Variants in ERBB4 observed in about 807,000 individuals in gnomAD.
ERBB4 encodes the protein receptor tyrosine-protein kinase erbB-4.
In ERBB4, 42 loss-of-function variants were observed where a neutral mutation model predicts 158.0. The observed-to-expected ratio is 0.27, with a 90% confidence interval of 0.21 to 0.34. ERBB4 has a LOEUF of 0.34. Ranked by LOEUF, ERBB4 falls within the 10% of genes least tolerant of loss-of-function variation. The probability of loss-of-function intolerance (pLI) is 1.00; values close to 1 mark genes in which losing one functional copy is unlikely to be tolerated. For synonymous variants in ERBB4, 583 were observed against 558.7 expected (o/e 1.04, Z -0.61); for missense variants, 1,333 against 1,624.1 (o/e 0.82, Z 3.08).
At chr2:212,386,152 CT>C (rs2090666763) in intron 1 of ERBB4, among the ~76,000 whole-genome samples, 1 of 151,580 alleles carries the variant, frequency 6.6e-6, no homozygotes, top group Admixed American at 6.6e-5. Context: ...AAAAAATACA[CT>C]TTTTTGTATT....
intron 3 of ERBB4, among the ~76,000 whole-genome samples, chr2:211,929,466 T>A (rs2125095325): frequency 6.6e-6 from 1 of 152,108 alleles, no homozygotes; most frequent in Admixed American, 6.6e-5. Context: ...AAACATCAAA[T>A]AAAACCCCTC....
intron 19 of ERBB4, among the ~76,000 whole-genome samples, chr2:211,566,901 C>G (rs1216872333): frequency 6.6e-6 from 1 of 152,148 alleles, no homozygotes; most frequent in East Asian, 1.9e-4. Context: ...TGTGGCCCCA[C>G]TCCCAGATAC....
intron 2 of ERBB4, among the ~76,000 whole-genome samples, chr2:212,003,140 GGAAGGAAGGAAA>G (rs1422827779): frequency 1.6e-3 from 20 of 12,692 alleles, no homozygotes; most frequent in African/African-American, 3.4e-3. Flanking sequence ...AAGGAAGGAA[GGAAGGAAGGAAA>G]GAAAGAAAGA....
intron 20 of ERBB4, among the ~76,000 whole-genome samples, chr2:211,473,193 T>C (rs1172960572): frequency 6.6e-6 from 1 of 151,812 alleles, no homozygotes; most frequent in Non-Finnish European, 1.5e-5. Context: ...GTAAAGAGGA[T>C]GTGATGTGAA....
Position 211,613,665 on chromosome 2 carries a change from G to T in ERBB4, c.2301+5512C>A, listed in dbSNP as rs1320092095. Among the ~76,000 whole-genome samples, 2 of 151,906 alleles carry T rather than the reference G, an allele frequency of 1.3e-5. 1 individual carries two copies. ...AAATGTCAAATAGGCATATGAAAAG[G>T]TGCTCAATATCACTGATCATCAGAG... On this transcript the variant is annotated intron_variant, in intron 19 of 27. Transcript: ENST00000342788.
intron 2 of ERBB4, among the ~76,000 whole-genome samples, chr2:211,963,505 G>A (rs1181529230): frequency 6.6e-6 from 1 of 151,958 alleles, no homozygotes; most frequent in East Asian, 1.9e-4. Flanking sequence ...TAATATTCTT[G>A]TATTAATATA....
chr2:211,393,716 A>G (rs771307159), intron 25 of ERBB4, among the ~76,000 whole-genome samples: 3 of 151,062 alleles, frequency 2.0e-5, no homozygotes, highest in Non-Finnish European at 4.4e-5. Flanking sequence ...AAAGAAGGAA[A>G]CTTTGAGTAT....
intron 3 of ERBB4, among the ~76,000 whole-genome samples, chr2:211,818,294 C>A (rs2076921557): frequency 6.6e-6 from 1 of 152,068 alleles, no homozygotes; most frequent in Admixed American, 6.6e-5. Flanking sequence ...CCTGTTGGTG[C>A]AGAAGTTGTG....
intron 1 of ERBB4, among the ~76,000 whole-genome samples, chr2:212,142,758 C>T (rs1340606981): frequency 6.6e-6 from 1 of 151,722 alleles, no homozygotes; most frequent in Non-Finnish European, 1.5e-5. Context: ...GGCACAGTGC[C>T]TCATGTGCTG....
At chr2:212,003,214 A>ACGG (rs1162547094) in intron 2 of ERBB4, among the ~76,000 whole-genome samples, 2 of 44,308 alleles carry the variant, frequency 4.5e-5, no homozygotes, top group African/African-American at 1.1e-4. Flanking sequence ...AGACAGAAAG[A>ACGG]AGGAAGGAAG....
chr2:212,070,739 A>G (rs958693856), intron 2 of ERBB4, among the ~76,000 whole-genome samples: 1 of 151,894 alleles, frequency 6.6e-6, no homozygotes, highest in Non-Finnish European at 1.5e-5. Context: ...TATAAAACAC[A>G]GAAAAAAGGA....
intron 1 of ERBB4, among the ~76,000 whole-genome samples, chr2:212,417,013 A>G (rs1316772570): frequency 1.3e-5 from 2 of 152,078 alleles, no homozygotes; most frequent in East Asian, 3.8e-4. Context: ...GAAAAAGTAT[A>G]CTACCTAAAG....
chr2:211,705,862 T>A (rs1264975136), intron 9 of ERBB4, among the ~76,000 whole-genome samples: 2 of 152,152 alleles, frequency 1.3e-5, no homozygotes, highest in African/African-American at 2.4e-5. Flanking sequence ...AAAATTGACA[T>A]CTTTTTTTTC....
intron 25 of ERBB4, among the ~76,000 whole-genome samples, chr2:211,403,372 T>C (rs573972372): frequency 2.6e-5 from 4 of 152,252 alleles, no homozygotes; most frequent in African/African-American, 9.6e-5. Context: ...CCTTCTTCTT[T>C]TGAAGACTCA....
intron 27 of ERBB4, among the ~76,000 whole-genome samples, chr2:211,385,004 CCT>C (rs2062657023): frequency 6.6e-6 from 1 of 152,070 alleles, no homozygotes; most frequent in African/African-American, 2.4e-5. Context: ...CTCTGACAGT[CCT>C]CTCTTTTACT....
chr2:211,438,819 C>T (rs1485154914), intron 20 of ERBB4, among the ~76,000 whole-genome samples: 1 of 152,086 alleles, frequency 6.6e-6, no homozygotes, highest in East Asian at 1.9e-4. Flanking sequence ...ACACTTCCAA[C>T]TGCAGTCATG....
At chr2:211,408,087 T>G (rs949214010) in intron 25 of ERBB4, among the ~76,000 whole-genome samples, 1 of 145,030 alleles carries the variant, frequency 6.9e-6, no homozygotes, top group African/African-American at 2.4e-5. Context: ...GATGGATTTG[T>G]AAAATAAATA....
intron 12 of ERBB4, among the ~76,000 whole-genome samples, chr2:211,699,960 A>G (rs1322443457): frequency 6.6e-6 from 1 of 152,134 alleles, no homozygotes; most frequent in Non-Finnish European, 1.5e-5. Context: ...TAATTCAAGT[A>G]TAGACAGATA....
chr2:211,405,213 T>A (rs2063122970), intron 25 of ERBB4, among the ~76,000 whole-genome samples: 1 of 152,088 alleles, frequency 6.6e-6, no homozygotes, highest in South Asian at 2.1e-4. Context: ...TATGTTGCCA[T>A]ATCACTAAAT....
Sources: gnomAD v4.1 joint callset for allele counts (sites outside exome capture counted in the v4.1 genomes callset) on GRCh38, gnomAD v4.1.1 for gene constraint, MANE v1.5 for transcripts, NCBI Gene and HGNC (gene_info 2026-07-23, HGNC 2026-07-21) for gene names.